Variants in NAALADL2 observed in about 807,000 individuals in gnomAD.
NAALADL2 encodes the protein inactive N-acetylated-alpha-linked acidic dipeptidase-like protein 2.
In NAALADL2, 76 loss-of-function variants were observed where a neutral mutation model predicts 87.2. The observed-to-expected ratio is 0.87, with a 90% CI of 0.72 to 1.05. NAALADL2 has a LOEUF of 1.05. Among genes scored for constraint, NAALADL2 ranks in the 50% least tolerant of loss-of-function variants. The probability of loss-of-function intolerance (pLI) is 0.00; values close to 1 mark genes in which losing one functional copy is unlikely to be tolerated. For missense variants in NAALADL2, 1,089 were observed against 945.8 expected (o/e 1.15, Z -1.99); for synonymous variants, 354 against 331.0 (o/e 1.07, Z -0.75).
At chr3:175,629,569 G>A (rs1216533373) in intron 11 of NAALADL2, among the ~76,000 whole-genome samples, 2 of 151,390 alleles carry the variant, frequency 1.3e-5, no homozygotes, top group East Asian at 1.9e-4. Flanking sequence ...TTTGTGGAAG[G>A]GATAATTTGA....
chr3:174,613,024 G>C (rs933530602), intron 2 of NAALADL2, among the ~76,000 whole-genome samples: 1 of 152,226 alleles, frequency 6.6e-6, no homozygotes, highest in African/African-American at 2.4e-5. Context: ...CAGTACTTCT[G>C]TGGTTCTTGC....
At chr3:174,805,117 C>T (rs1719307519) in intron 3 of NAALADL2, among the ~76,000 whole-genome samples, 1 of 152,080 alleles carries the variant, frequency 6.6e-6, no homozygotes, top group Non-Finnish European at 1.5e-5. Context: ...GGAACTCAAA[C>T]CATGTTAGCT....
chr3:174,925,642 T>C (rs565752579), intron 1 of NAALADL2, among the ~76,000 whole-genome samples: 282 of 152,182 alleles, frequency 1.9e-3, no homozygotes, highest in Non-Finnish European at 3.5e-3. Context: ...ATGGCAGCAT[T>C]GAATCTATAA....
At chr3:174,573,681 C>T (rs1397358042) in intron 2 of NAALADL2, among the ~76,000 whole-genome samples, 2 of 151,542 alleles carry the variant, frequency 1.3e-5, no homozygotes, top group Non-Finnish European at 2.9e-5. Flanking sequence ...AAGCAGGGGG[C>T]AAGGTGAGGG....
At chr3:175,100,451 T>C (rs930280782) in intron 2 of NAALADL2, among the ~76,000 whole-genome samples, 4 of 152,142 alleles carry the variant, frequency 2.6e-5, no homozygotes, top group African/African-American at 9.7e-5. Flanking sequence ...CAAAACTACT[T>C]GGAATAACTT....
intron 3 of NAALADL2, among the ~76,000 whole-genome samples, chr3:174,779,211 G>T (rs1715615963): frequency 6.6e-6 from 1 of 152,134 alleles, no homozygotes; most frequent in Admixed American, 6.6e-5. Context: ...GTTTTGATTT[G>T]CATTTCTCTA....
At chr3:174,613,201 A>C (rs1309670861) in intron 2 of NAALADL2, among the ~76,000 whole-genome samples, 1 of 152,168 alleles carries the variant, frequency 6.6e-6, no homozygotes, top group African/African-American at 2.4e-5. Context: ...AAAAGCTCCC[A>C]TGTGGCCACC....
chr3:175,302,221 G>C (rs1757172166), intron 4 of NAALADL2, among the ~76,000 whole-genome samples: 1 of 152,130 alleles, frequency 6.6e-6, no homozygotes, highest in Admixed American at 6.6e-5. Flanking sequence ...TAATTCCATA[G>C]GAATTAAGTA....
At chr3:175,315,623 A>C (rs984666582) in intron 4 of NAALADL2, among the ~76,000 whole-genome samples, 2 of 152,222 alleles carry the variant, frequency 1.3e-5, no homozygotes, top group Admixed American at 6.5e-5. Context: ...TGTCATATAC[A>C]TGCAGCAGCA....
intron 13 of NAALADL2, among the ~76,000 whole-genome samples, chr3:175,772,495 C>T (rs1252682250): frequency 6.6e-6 from 1 of 152,178 alleles, no homozygotes; most frequent in Non-Finnish European, 1.5e-5. Flanking sequence ...CAAGCTTCTT[C>T]ACCTAAGTAG....
chr3:175,744,347 G>A (rs1390614577), intron 12 of NAALADL2, among the ~76,000 whole-genome samples: 1 of 152,134 alleles, frequency 6.6e-6, no homozygotes, highest in African/African-American at 2.4e-5. Flanking sequence ...AGTTATATCA[G>A]ACTTCTACCC....
chr3:175,268,055 T>C (rs936577474), intron 4 of NAALADL2, among the ~76,000 whole-genome samples: 1 of 152,214 alleles, frequency 6.6e-6, no homozygotes, highest in Non-Finnish European at 1.5e-5. Context: ...ACTTGAATAA[T>C]ACAGGCATGC....
chr3:174,615,602 G>A (rs1044048331), intron 2 of NAALADL2, among the ~76,000 whole-genome samples: 4 of 151,986 alleles, frequency 2.6e-5, no homozygotes, highest in African/African-American at 7.2e-5. Flanking sequence ...GCTTTTCTTA[G>A]GGATCTATAT....
At chr3:175,387,122 C>G (rs1002821635) in intron 5 of NAALADL2, among the ~76,000 whole-genome samples, 1 of 151,938 alleles carries the variant, frequency 6.6e-6, no homozygotes, top group Non-Finnish European at 1.5e-5. Context: ...GTAACAGCCA[C>G]AATATGAGAT....
In NAALADL2 at chr3:175,501,629, G is replaced by T. The variant is rs139679901; in HGVS notation, c.1653+29871G>T. 5.7e-3 allele frequency among the ~76,000 whole-genome samples: 861 copies of T among 152,126 alleles called. 7 individuals carry two copies. Among genetic ancestry groups the T allele is most frequent in the Middle Eastern group, 0.01 (3 of 294 alleles). On this transcript the variant is annotated intron_variant, in intron 9 of 13. Coordinates refer to ENST00000454872, the MANE Select transcript of NAALADL2 (RefSeq NM_207015.3). ...CAGTTTTGAGCCTTAGTGATTGAAGGTCTGATAAATGTCCTTTATCTGAAA... is the reference window on the plus strand; with the variant it reads ...CAGTTTTGAGCCTTAGTGATTGAAGTTCTGATAAATGTCCTTTATCTGAAA...
At position 175,096,806 on chromosome 3, in the gene NAALADL2, T is replaced by C; in HGVS notation, c.60T>C (p.Tyr20=). 1 of 1,528,548 alleles carries C rather than the reference T, an allele frequency of 6.5e-7. No individual in the cohort carries two copies. Among genetic ancestry groups the C allele is most frequent in the Non-Finnish European group, 8.8e-7 (1 of 1,140,812 alleles). 94.7% of individuals were successfully genotyped at this position (1,528,548 alleles called of 1,614,324 possible). Residue 20 remains tyrosine (Y), a synonymous_variant, in exon 2 of 14, where the codon TAT becomes TAC. Transcript: ENST00000454872. ...TTTTCACAGGTAAAAAGATGGCCTA[T>C]CAGAAGGTCCATGCAGATCAAAGAG... is the stretch of plus-strand genomic sequence containing the variant. ...NTSLQGKKMA[Y]QKVHADQRAP...
At chr3:175,016,038 C>G (rs778252696) in intron 1 of NAALADL2, among the ~76,000 whole-genome samples, 1 of 151,512 alleles carries the variant, frequency 6.6e-6, no homozygotes, top group South Asian at 2.1e-4. Context: ...AACTCATCTA[C>G]ATTTTAGAGA....
intron 2 of NAALADL2, among the ~76,000 whole-genome samples, chr3:174,666,324 A>G (rs942277827): frequency 1.3e-5 from 2 of 152,194 alleles, no homozygotes; most frequent in African/African-American, 2.4e-5. Context: ...TTATTTCTTC[A>G]GCTATTGCAA....
chr3:175,236,185 A>G (rs1436954757), intron 3 of NAALADL2, among the ~76,000 whole-genome samples: 2 of 152,150 alleles, frequency 1.3e-5, no homozygotes, highest in Admixed American at 1.3e-4. Context: ...TAAGGGAAAC[A>G]TGGGAGATGA....
Sources: allele counts gnomAD v4.1 joint callset (sites outside exome capture counted in the v4.1 genomes callset), GRCh38; gene constraint gnomAD v4.1.1; transcripts MANE v1.5; gene names NCBI Gene and HGNC (gene_info 2026-07-23, HGNC 2026-07-21).